Variants in STXBP5L observed in about 807,000 individuals in gnomAD.
The protein encoded by STXBP5L is syntaxin-binding protein 5-like.
STXBP5L carries 65 observed loss-of-function variants against 144.5 expected under a neutral mutation model. That is an observed-to-expected ratio of 0.45 (90% CI 0.37 to 0.55). The LOEUF is 0.55. Ranked by LOEUF, STXBP5L falls within the 20% of genes least tolerant of loss-of-function variation. The pLI is 0.00. For missense variants in STXBP5L, 1,298 were observed against 1,405.5 expected, an observed-to-expected ratio of 0.92 and a Z score of 1.22; for synonymous variants, 505 against 469.6, an observed-to-expected ratio of 1.08 and a Z score of -0.97.
intron 3 of STXBP5L, among the ~76,000 whole-genome samples, chr3:121,012,564 A>G (rs1049913362): frequency 2.6e-5 from 4 of 151,842 alleles, no homozygotes; most frequent in African/African-American, 9.7e-5. Context: ...TTTGATAGGC[A>G]TGTCCCTGGA....
At chr3:121,388,163 T>G (rs1354135697) in intron 22 of STXBP5L, among the ~76,000 whole-genome samples, 1 of 151,898 alleles carries the variant, frequency 6.6e-6, no homozygotes, top group African/African-American at 2.4e-5. Flanking sequence ...GTAGCAATTG[T>G]GAATGGGAGT....
intron 4 of STXBP5L, among the ~76,000 whole-genome samples, chr3:121,043,516 C>T (rs1947300854): frequency 6.6e-6 from 1 of 152,074 alleles, no homozygotes. Flanking sequence ...CAAGACCATC[C>T]TGGCCAACAT....
At chr3:121,385,898 GATATA>G in intron 22 of STXBP5L, among the ~76,000 whole-genome samples, 1 of 152,088 alleles carries the variant, frequency 6.6e-6, no homozygotes, top group South Asian at 2.1e-4. Flanking sequence ...CTTTCTTATG[GATATA>G]ATATAAAACT....
intron 20 of STXBP5L, among the ~76,000 whole-genome samples, chr3:121,351,900 A>G (rs2045298559): frequency 3.9e-5 from 6 of 152,148 alleles, no homozygotes; most frequent in African/African-American, 1.4e-4. Context: ...CTTTTTACAG[A>G]TGGCTAGCCA....
intron 9 of STXBP5L, among the ~76,000 whole-genome samples, chr3:121,186,458 G>A (rs1242543651): frequency 3.3e-5 from 5 of 152,114 alleles, no homozygotes; most frequent in Non-Finnish European, 7.3e-5. Flanking sequence ...ATTATTTTGA[G>A]ATACATCCCA....
intron 3 of STXBP5L, among the ~76,000 whole-genome samples, chr3:120,976,426 C>G (rs1941025268): frequency 1.3e-5 from 2 of 151,790 alleles, no homozygotes. Flanking sequence ...CTATTTGATT[C>G]TTCTCTCTTT....
chr3:121,080,989 A>G (rs1252022574), intron 5 of STXBP5L, among the ~76,000 whole-genome samples: 1 of 152,118 alleles, frequency 6.6e-6, no homozygotes, highest in East Asian at 1.9e-4. Flanking sequence ...CTTCCTCAGG[A>G]CACCAGTTAA....
chr3:120,963,948 G>T (rs1939217108), intron 3 of STXBP5L, among the ~76,000 whole-genome samples: 1 of 152,168 alleles, frequency 6.6e-6, no homozygotes, highest in Non-Finnish European at 1.5e-5. Context: ...CTCAATTTCA[G>T]ATCCTGTTAT....
chr3:121,355,781 A>T (rs2045488062), intron 20 of STXBP5L, among the ~76,000 whole-genome samples: 2 of 152,046 alleles, frequency 1.3e-5, no homozygotes, highest in South Asian at 4.1e-4. Context: ...TGATTTTTCG[A>T]ATTTTCAGCT....
chr3:120,993,665 T>C (rs189834546), intron 3 of STXBP5L, among the ~76,000 whole-genome samples: 2 of 152,252 alleles, frequency 1.3e-5, no homozygotes, highest in Non-Finnish European at 2.9e-5. Flanking sequence ...TCTACATGTC[T>C]GTTTTTATAT....
rs748068628 is a variant in STXBP5L, at chr3:121,240,453, G to C, written c.1346G>C (p.Ser449Thr). ...TAATCTGTTTAGGAGTGGCCAATCAGTGGAGGAGCTTGGAACCTTGGAGCA... is the reference window on the plus strand; with the variant it reads ...TAATCTGTTTAGGAGTGGCCAATCACTGGAGGAGCTTGGAACCTTGGAGCA... ...QGYSNKEWPI[S>T]GGAWNLGAQT... The change falls in exon 14 of 27, where the codon AGT (serine) becomes ACT (threonine). Residue 449 changes from serine (S) to threonine (T), a missense_variant. Physicochemically the swap from Ser to Thr is moderately conservative, Grantham distance 58. Coordinates refer to ENST00000471454, the MANE Select transcript of STXBP5L (RefSeq NM_001308330.2). 5.6e-6 allele frequency: 9 copies of C among 1,613,374 alleles called. No individual in the cohort carries two copies. Among genetic ancestry groups the C allele is most frequent in the Non-Finnish European group, 7.6e-6 (9 of 1,179,680 alleles).
At chr3:121,273,116 T>C (rs1458837264) in intron 18 of STXBP5L, among the ~76,000 whole-genome samples, 1 of 152,124 alleles carries the variant, frequency 6.6e-6, no homozygotes, top group Non-Finnish European at 1.5e-5. Context: ...TTTATGCTTT[T>C]ATATGATTTC....
intron 5 of STXBP5L, among the ~76,000 whole-genome samples, chr3:121,070,342 T>G (rs1475476821): frequency 1.3e-5 from 2 of 152,230 alleles, no homozygotes; most frequent in Non-Finnish European, 2.9e-5. Flanking sequence ...TCACTGGGCC[T>G]CTAATAAACT....
At chr3:121,207,684 A>G (rs1165475464) in intron 10 of STXBP5L, among the ~76,000 whole-genome samples, 11 of 152,242 alleles carry the variant, frequency 7.2e-5, no homozygotes. Flanking sequence ...ACATGAACAG[A>G]CATTTCTCAA....
intron 5 of STXBP5L, among the ~76,000 whole-genome samples, chr3:121,048,460 C>T (rs1054057944): frequency 6.6e-6 from 1 of 152,238 alleles, no homozygotes; most frequent in East Asian, 1.9e-4. Flanking sequence ...CTTGCTCTCT[C>T]CTTATCTCTT....
chr3:121,258,810 A>G (rs1386263996), intron 17 of STXBP5L, among the ~76,000 whole-genome samples: 1 of 152,160 alleles, frequency 6.6e-6, no homozygotes. Context: ...GAAATGATAA[A>G]GGCCAGTTGA....
At chr3:121,323,489 A>G (rs1199217435) in intron 20 of STXBP5L, among the ~76,000 whole-genome samples, 1 of 152,182 alleles carries the variant, frequency 6.6e-6, no homozygotes, top group East Asian at 1.9e-4. Flanking sequence ...ATAATACAGG[A>G]GAAAAGAGCA....
At chr3:121,257,970 T>C (rs1224119258) in intron 17 of STXBP5L, among the ~76,000 whole-genome samples, 1 of 152,184 alleles carries the variant, frequency 6.6e-6, no homozygotes, top group Non-Finnish European at 1.5e-5. Flanking sequence ...TTTATGTAAT[T>C]TCTTTAGCTT....
intron 5 of STXBP5L, among the ~76,000 whole-genome samples, chr3:121,092,532 A>T (rs1315364922): frequency 6.6e-6 from 1 of 152,194 alleles, no homozygotes; most frequent in African/African-American, 2.4e-5. Context: ...TCTTTGAAGC[A>T]ATTGGGAATG....
Sources: gnomAD v4.1 joint callset for allele counts (sites outside exome capture counted in the v4.1 genomes callset) on GRCh38, gnomAD v4.1.1 for gene constraint, MANE v1.5 for transcripts, NCBI Gene and HGNC (gene_info 2026-07-23, HGNC 2026-07-21) for gene names.